Variants in THSD4 observed in about 807,000 individuals in gnomAD.
THSD4 encodes the protein thrombospondin type 1 domain containing 4.
Under a neutral mutation model 119.0 loss-of-function variants are expected in THSD4, and 69 were observed. That is an observed-to-expected ratio of 0.58 (90% confidence interval 0.48 to 0.71). The LOEUF (loss-of-function observed/expected upper bound fraction) is 0.71, where lower values mean the gene tolerates loss of function less well. Ranked by LOEUF, THSD4 falls within the 30% of genes least tolerant of loss-of-function variation. THSD4 has a pLI of 0.00. For synonymous variants in THSD4, 524 were observed against 540.4 expected, an observed-to-expected ratio of 0.97 and a Z score of 0.42; for missense variants, 1,393 against 1,391.1, an observed-to-expected ratio of 1.00 and a Z score of -0.02.
Position 71,780,112 on chromosome 15 carries a change from C to G in THSD4, c.*2738C>G, listed in dbSNP as rs1289032327. The G allele has an allele frequency of 2.0e-5, 3 of 152,242 alleles. No individual in the cohort carries two copies. The highest frequency in any genetic ancestry group is 4.4e-5 in the Non-Finnish European group (3 of 68,124). The allele number at this position is 152,242 out of a possible 1,614,324, so 9.4% of individuals were successfully genotyped here. ...AGCCCAGATTTCGGTAGCCATCTCCCTCCAAATATGTCTCTTTCTGCTTTC... is the reference window on the plus strand; with the variant it reads ...AGCCCAGATTTCGGTAGCCATCTCCGTCCAAATATGTCTCTTTCTGCTTTC... On this transcript the variant is annotated 3_prime_UTR_variant, in exon 18 of 18. Coordinates refer to ENST00000261862, the MANE Select transcript of THSD4 (RefSeq NM_024817.3).
chr15:71,354,931 T>G (rs2045788738), intron 6 of THSD4, among the ~76,000 whole-genome samples: 1 of 152,230 alleles, frequency 6.6e-6, no homozygotes, highest in African/African-American at 2.4e-5. Context: ...CTCTTGTTCT[T>G]CCTTGAATTT....
chr15:71,363,331 G>GT (rs1180728654), intron 6 of THSD4, among the ~76,000 whole-genome samples: 1 of 152,194 alleles, frequency 6.6e-6, no homozygotes, highest in Non-Finnish European at 1.5e-5. Context: ...AAGGGCCATA[G>GT]TTTGCCAACC....
intron 6 of THSD4, among the ~76,000 whole-genome samples, chr15:71,386,904 T>C (rs2046299997): frequency 1.3e-5 from 2 of 152,212 alleles, no homozygotes. Flanking sequence ...TTTCTAAGCT[T>C]TGTGTTTGGA....
Position 71,556,764 on chromosome 15 carries a change from T to TAAAAA in THSD4, c.1153-103755_1153-103751dup, listed in dbSNP as rs61509514. Among the ~76,000 whole-genome samples the TAAAAA allele has an allele frequency of 1.7e-3, 229 of 138,584 alleles. 2 individuals carry two copies. The highest frequency in any genetic ancestry group is 0.013 in the South Asian group (55 of 4,240). The allele number at this position is 138,584 out of a possible 152,430, so 90.9% of individuals were successfully genotyped here. The stretch of plus-strand genomic sequence containing the variant: ...TGGGTGGCAGAGTAAGACCCTGTCT[T>TAAAAA]AAAAAAAAAAAAAAAGTACAACTGA... On this transcript the variant is annotated intron_variant, in intron 7 of 17. Transcript: ENST00000261862.
chr15:71,280,948 A>G (rs2044644190), intron 6 of THSD4, among the ~76,000 whole-genome samples: 1 of 152,210 alleles, frequency 6.6e-6, no homozygotes, highest in African/African-American at 2.4e-5. Flanking sequence ...TTTGTAATTC[A>G]TGGGGGCAAT....
At chr15:71,372,152 G>A (rs949672976) in intron 6 of THSD4, among the ~76,000 whole-genome samples, 6 of 152,168 alleles carry the variant, frequency 3.9e-5, no homozygotes, top group African/African-American at 1.4e-4. Context: ...GGACTTCTCT[G>A]CACTGGTTAT....
At chr15:71,644,198 T>C (rs1164656389) in intron 7 of THSD4, among the ~76,000 whole-genome samples, 2 of 152,200 alleles carry the variant, frequency 1.3e-5, no homozygotes, top group Admixed American at 6.5e-5. Context: ...AGATGATCTC[T>C]ATGTTTTCTT....
chr15:71,137,842 T>TA (rs1055041432), intron 1 of THSD4, among the ~76,000 whole-genome samples: 2 of 152,170 alleles, frequency 1.3e-5, no homozygotes, highest in African/African-American at 4.8e-5. Context: ...TTTACATCAG[T>TA]AAAAAAATAA....
At chr15:71,296,862 C>G (rs1185168352) in intron 6 of THSD4, among the ~76,000 whole-genome samples, 1 of 152,124 alleles carries the variant, frequency 6.6e-6, no homozygotes, top group Non-Finnish European at 1.5e-5. Context: ...TTAATTGCTC[C>G]GAGCCTCTGT....
At chr15:71,397,156 G>A (rs912228263) in intron 6 of THSD4, among the ~76,000 whole-genome samples, 1 of 152,162 alleles carries the variant, frequency 6.6e-6, no homozygotes, top group South Asian at 2.1e-4. Flanking sequence ...TCAGCGATGA[G>A]GAATGTCTCC....
At position 71,757,905 on chromosome 15, in the gene THSD4, T is replaced by C; in HGVS notation, c.2419T>C (p.Ser807Pro). The change falls in exon 15 of 18, where the codon TCA becomes CCA. Residue 807 changes from serine to proline, a missense_variant. Transcript: ENST00000261862. ...WFLTEWSERC[S>P]AECGAGVRTR... ...GTGCCCTTCCCCTGTCTCACAGTGC[T>C]CAGCGGAGTGTGGGGCCGGAGTGCG... 1.2e-6 allele frequency: 2 copies of C among 1,613,494 alleles called. No individual in the cohort carries two copies. The highest frequency in any genetic ancestry group is 1.7e-6 in the Non-Finnish European group (2 of 1,180,008).
chr15:71,340,546 C>T (rs779251573), intron 6 of THSD4, among the ~76,000 whole-genome samples: 2 of 151,876 alleles, frequency 1.3e-5, no homozygotes, highest in African/African-American at 2.4e-5. Context: ...GACTGCCTTC[C>T]ACTTCCTAGG....
At chr15:71,604,279 G>A (rs576507197) in intron 7 of THSD4, among the ~76,000 whole-genome samples, 8 of 152,332 alleles carry the variant, frequency 5.3e-5, no homozygotes, top group African/African-American at 1.7e-4. Context: ...TCTGATTGAT[G>A]TGCCAATGAG....
At chr15:71,376,376 C>A (rs1405625812) in intron 6 of THSD4, among the ~76,000 whole-genome samples, 1 of 152,148 alleles carries the variant, frequency 6.6e-6, no homozygotes, top group Non-Finnish European at 1.5e-5. Context: ...ACTGTTCTTA[C>A]CATGATTGAG....
rs2047725190 is a variant in THSD4, at chr15:71,481,181, A to C, written c.1152+69358A>C. On this transcript the variant is annotated intron_variant, in intron 7 of 17. Coordinates refer to ENST00000261862, the MANE Select transcript of THSD4 (RefSeq NM_024817.3). ...TAAAAAGTGAAAAATTCTCACATTA[A>C]ATGTAACATTTAGACTCTGTGATAA... is the stretch of plus-strand genomic sequence containing the variant. Among the ~76,000 whole-genome samples, 3 of 152,180 alleles carry C rather than the reference A, an allele frequency of 2.0e-5. No homozygotes were observed. The South Asian group carries it at 6.2e-4, about 32-fold the overall frequency.
intron 7 of THSD4, among the ~76,000 whole-genome samples, chr15:71,656,059 G>T (rs746572968): frequency 1.3e-4 from 20 of 152,254 alleles, no homozygotes; most frequent in Middle Eastern, 3.4e-3. Context: ...AATGACATCA[G>T]CTAGTGATTA....
In THSD4 at chr15:71,529,529, A is replaced by G. The variant is rs73443808; in HGVS notation, c.1152+117706A>G. Among the ~76,000 whole-genome samples the G allele has an allele frequency of 2.8e-3, 422 of 152,310 alleles. 1 individual carries two copies. The highest frequency in any genetic ancestry group is 9.7e-3 in the African/African-American group (405 of 41,560). On this transcript the variant is annotated intron_variant, in intron 7 of 17. Transcript: ENST00000261862. The stretch of plus-strand genomic sequence containing the variant: ...TTTGACTTTTTACCTAACAGTCTCA[A>G]TTGAAAGCTGGGGTTAGTGATTAAC...
At chr15:71,480,665 C>T (rs2047717017) in intron 7 of THSD4, among the ~76,000 whole-genome samples, 3 of 152,154 alleles carry the variant, frequency 2.0e-5, no homozygotes, top group Non-Finnish European at 2.9e-5. Flanking sequence ...GCGTTGCCAG[C>T]TAGAGTTGAC....
intron 7 of THSD4, among the ~76,000 whole-genome samples, chr15:71,640,975 C>T (rs2050845790): frequency 8.3e-6 from 1 of 120,020 alleles, no homozygotes; most frequent in Non-Finnish European, 1.7e-5. Flanking sequence ...CAAAACCCAC[C>T]TACAGACACA....
Sources: gnomAD v4.1 joint callset for allele counts (sites outside exome capture counted in the v4.1 genomes callset) on GRCh38, gnomAD v4.1.1 for gene constraint, MANE v1.5 for transcripts, NCBI Gene and HGNC (gene_info 2026-07-23, HGNC 2026-07-21) for gene names.